MAP2K6: variants seen among roughly 807,000 people sequenced by gnomAD.
MAP2K6 encodes dual specificity mitogen-activated protein kinase kinase 6.
A neutral mutation model predicts 53.7 loss-of-function variants in MAP2K6; 16 were observed. That is an observed-to-expected ratio of 0.30 (90% CI 0.20 to 0.45). The LOEUF (loss-of-function observed/expected upper bound fraction) is 0.45, where lower values mean the gene tolerates loss of function less well. Among genes scored for constraint, MAP2K6 ranks in the 20% least tolerant of loss-of-function variants. The probability of loss-of-function intolerance (pLI) is 1.00; values close to 1 mark genes in which losing one functional copy is unlikely to be tolerated. For synonymous variants in MAP2K6, 132 were observed against 143.1 expected (o/e 0.92, Z 0.55); for missense variants, 204 against 411.9 (o/e 0.50, Z 4.37).
intron 1 of MAP2K6, among the ~76,000 whole-genome samples, chr17:69,449,703 C>T (rs1907143051): frequency 1.4e-5 from 2 of 147,276 alleles, no homozygotes; most frequent in South Asian, 4.3e-4. Flanking sequence ...GGCTCCGCCC[C>T]CTGGGGTTCA....
chr17:69,436,486 C>T (rs1160887708), intron 1 of MAP2K6, among the ~76,000 whole-genome samples: 3 of 152,094 alleles, frequency 2.0e-5, no homozygotes, highest in African/African-American at 7.2e-5. Flanking sequence ...AATGTTTTAT[C>T]CTCAGATTCA....
chr17:69,475,433 G>T (rs1908119449), intron 1 of MAP2K6, among the ~76,000 whole-genome samples: 1 of 152,122 alleles, frequency 6.6e-6, no homozygotes, highest in Non-Finnish European at 1.5e-5. Flanking sequence ...CTCCCAAAGT[G>T]CTGGGATTAC....
At chr17:69,423,589 T>C (rs1182202304) in intron 1 of MAP2K6, among the ~76,000 whole-genome samples, 1 of 152,210 alleles carries the variant, frequency 6.6e-6, no homozygotes, top group Admixed American at 6.5e-5. Context: ...TAACTACTGC[T>C]CTGCTGCTCA....
In MAP2K6 at chr17:69,542,986, T is replaced by G. The variant is rs1324416272; in HGVS notation, c.*1233T>G. On this transcript the variant is annotated 3_prime_UTR_variant, in exon 12 of 12. Coordinates refer to ENST00000590474, the MANE Select transcript of MAP2K6 (RefSeq NM_002758.4). Reference sequence around the variant, plus strand: ...GACCACAAGTTGCGTTGAGGCCGCATCTTTCTTCAGCAGCGTGCAATAGCT... The same window carrying G: ...GACCACAAGTTGCGTTGAGGCCGCAGCTTTCTTCAGCAGCGTGCAATAGCT... 1 of 152,200 alleles carries G rather than the reference T, an allele frequency of 6.6e-6. No individual in the cohort carries two copies. Among genetic ancestry groups the G allele is most frequent in the Non-Finnish European group, 1.5e-5 (1 of 68,036 alleles). The allele number at this position is 152,200 out of a possible 1,614,324, so 9.4% of individuals were successfully genotyped here. A position where few individuals can be genotyped will look rare whatever the true frequency, so the allele number is the denominator to read the frequency against.
At chr17:69,467,470 G>A (rs1434096280) in intron 1 of MAP2K6, among the ~76,000 whole-genome samples, 1 of 152,204 alleles carries the variant, frequency 6.6e-6, no homozygotes, top group Non-Finnish European at 1.5e-5. Context: ...AGAATGGATT[G>A]TATGGAGCTG....
At position 69,541,688 on chromosome 17, in the gene MAP2K6, T is replaced by G. The variant is rs554043409; in HGVS notation, c.940T>G (p.Phe314Val). 8 of 1,612,092 alleles carry G rather than the reference T, an allele frequency of 5.0e-6. No individual in the cohort carries two copies. The highest frequency in any genetic ancestry group is 6.8e-6 in the Non-Finnish European group (8 of 1,178,722). The change falls in exon 12 of 12, where the codon TTC (phenylalanine) becomes GTC (valine). Residue 314 changes from phenylalanine (F) to valine (V), a missense_variant. Phe to Val is a conservative substitution (Grantham distance 50, BLOSUM62 -1). Coordinates refer to ENST00000590474, the MANE Select transcript of MAP2K6 (RefSeq NM_002758.4). Reference protein sequence around the residue: ...TYPELMQHPFFTLHESKGTDV... With the variant: ...TYPELMQHPFVTLHESKGTDV... ...TTTTCTTTTCCAGCAACATCCATTTTTCACCCTACATGAATCCAAAGGAAC... is the reference window on the plus strand; with the variant it reads ...TTTTCTTTTCCAGCAACATCCATTTGTCACCCTACATGAATCCAAAGGAAC...
At chr17:69,519,224 G>A (rs2145255534) in intron 4 of MAP2K6, 89 bp from the exon 5 acceptor site, 1 of 1,449,496 alleles carries the variant, frequency 6.9e-7, no homozygotes, top group East Asian at 2.4e-5. Context: ...CTTGTGTCAT[G>A]AACTATTTTC....
At chr17:69,504,243 A>T (rs1464871514) in intron 1 of MAP2K6, among the ~76,000 whole-genome samples, 1 of 152,022 alleles carries the variant, frequency 6.6e-6, no homozygotes, top group Admixed American at 6.6e-5. Flanking sequence ...TCTGCAATGT[A>T]GAGAAGAGGT....
rs570902663 is a variant in MAP2K6, at chr17:69,502,141, C to A, written c.17-3639C>A. On this transcript the variant is annotated intron_variant, in intron 1 of 11. Coordinates refer to ENST00000590474, the MANE Select transcript of MAP2K6 (RefSeq NM_002758.4). Reference sequence around the variant, plus strand: ...CAAGTCTGGTTAATGATTAATGTCACGCCTGGGTGTCCACATAGACCCACT... The same window carrying A: ...CAAGTCTGGTTAATGATTAATGTCAAGCCTGGGTGTCCACATAGACCCACT... 3 of 984,618 alleles carry A rather than the reference C, an allele frequency of 3.0e-6. No individual in the cohort carries two copies. The East Asian group carries it at 3.4e-4, about 112-fold the overall frequency. 61.0% of individuals were successfully genotyped at this position (984,618 alleles called of 1,614,324 possible).
At position 69,427,649 on chromosome 17, in the gene MAP2K6, C is replaced by T. The variant is rs758016338; in HGVS notation, c.16+12649C>T. Among the ~76,000 whole-genome samples, 3 of 152,220 alleles carry T rather than the reference C, an allele frequency of 2.0e-5. 1 individual carries two copies. Among genetic ancestry groups the T allele is most frequent in the Admixed American group, 1.3e-4 (2 of 15,298 alleles). On this transcript the variant is annotated intron_variant, in intron 1 of 11. Coordinates refer to ENST00000590474, the MANE Select transcript of MAP2K6 (RefSeq NM_002758.4). The stretch of plus-strand genomic sequence containing the variant: ...ACAGTGTGAAGGAGGTGAATTGAGT[C>T]ACCCCTCCTCAGATTCATGTAAGCC...
At chr17:69,430,540 G>C (rs1906429848) in intron 1 of MAP2K6, among the ~76,000 whole-genome samples, 2 of 152,166 alleles carry the variant, frequency 1.3e-5, no homozygotes, top group Non-Finnish European at 2.9e-5. Context: ...GCTATTATGT[G>C]AAGATGCACT....
At chr17:69,448,640 C>G (rs1381543535) in intron 1 of MAP2K6, among the ~76,000 whole-genome samples, 1 of 152,214 alleles carries the variant, frequency 6.6e-6, no homozygotes, top group Admixed American at 6.5e-5. Context: ...CTCTTGACCC[C>G]CTGTGGCTCA....
chr17:69,514,523 T>G (rs1328108747), intron 2 of MAP2K6, among the ~76,000 whole-genome samples: 1 of 152,176 alleles, frequency 6.6e-6, no homozygotes, highest in African/African-American at 2.4e-5. Context: ...CATTAAAATC[T>G]TAGAGTCATG....
intron 1 of MAP2K6, among the ~76,000 whole-genome samples, chr17:69,452,955 C>T (rs958131811): frequency 2.3e-4 from 35 of 152,190 alleles, no homozygotes; most frequent in African/African-American, 6.7e-4. Flanking sequence ...TTCATTTGGC[C>T]GAAAGCTGGT....
intron 1 of MAP2K6, among the ~76,000 whole-genome samples, chr17:69,429,453 G>C (rs1214736833): frequency 6.6e-6 from 1 of 151,712 alleles, no homozygotes; most frequent in Non-Finnish European, 1.5e-5. Context: ...TAAAAGGAGA[G>C]TGAGAGAGAG....
Position 69,551,085 on chromosome 17 carries a change from T to C in MAP2K6, c.*9332T>C, listed in dbSNP as rs961555336. ...GACATTTTCCTAAAGTGGTTGAGAA[T>C]GACCTGATCTTTGTTCACCGTCTCA... On this transcript the variant is annotated 3_prime_UTR_variant, in exon 12 of 12. Transcript: ENST00000590474. 1 of 152,230 alleles carries C rather than the reference T, an allele frequency of 6.6e-6. No individual in the cohort carries two copies. Among genetic ancestry groups the C allele is most frequent in the Non-Finnish European group, 1.5e-5 (1 of 68,030 alleles). 9.4% of individuals were successfully genotyped at this position (152,230 alleles called of 1,614,324 possible).
intron 1 of MAP2K6, among the ~76,000 whole-genome samples, chr17:69,442,764 T>C (rs895470582): frequency 6.6e-6 from 1 of 152,214 alleles, no homozygotes; most frequent in Non-Finnish European, 1.5e-5. Flanking sequence ...GTTCTGCCAA[T>C]TGTAAGCTGT....
At chr17:69,478,213 G>C (rs1908222568) in intron 1 of MAP2K6, among the ~76,000 whole-genome samples, 1 of 152,200 alleles carries the variant, frequency 6.6e-6, no homozygotes, top group Non-Finnish European at 1.5e-5. Context: ...AGGAGCTATA[G>C]ACAACTTCTC....
At chr17:69,436,399 A>G (rs1906642490) in intron 1 of MAP2K6, among the ~76,000 whole-genome samples, 2 of 152,224 alleles carry the variant, frequency 1.3e-5, no homozygotes, top group African/African-American at 2.4e-5. Context: ...AAAAATACCT[A>G]TATGGGAGTT....
Sources: gnomAD v4.1 joint callset for allele counts (sites outside exome capture counted in the v4.1 genomes callset) on GRCh38, gnomAD v4.1.1 for gene constraint, MANE v1.5 for transcripts, NCBI Gene and HGNC (gene_info 2026-07-23, HGNC 2026-07-21) for gene names.